FAAH2: variants seen among roughly 807,000 people sequenced by gnomAD.
FAAH2 encodes the protein fatty-acid amide hydrolase 2.
Under a neutral mutation model 36.9 loss-of-function variants are expected in FAAH2, and 60 were observed. That is an observed-to-expected ratio of 1.63 (90% CI 1.32 to 2.02). FAAH2 has a LOEUF of 2.02. FAAH2 is among the 30% of genes most tolerant of loss of function. The pLI is 0.00. For missense variants in FAAH2, 689 were observed against 397.5 expected (o/e 1.73, Z -6.23); for synonymous variants, 214 against 143.8 (o/e 1.49, Z -3.49).
At chrX:57,474,321 C>T (rs2057225034) in intron 10 of FAAH2, among the ~76,000 whole-genome samples, 1 of 111,049 alleles carries the variant, frequency 9.0e-6, no homozygotes, top group African/African-American at 3.3e-5. Context: ...TTAAGCCCTG[C>T]ATTTATTAGG....
the FAAH2 span, among the ~76,000 whole-genome samples, chrX:57,237,605 A>T: frequency 9.0e-6 from 1 of 111,484 alleles, no homozygotes; most frequent in Non-Finnish European, 1.9e-5. Flanking sequence ...AATTTAAAAA[A>T]TTAACTCCTT....
intron 5 of FAAH2, among the ~76,000 whole-genome samples, chrX:57,354,543 A>G (rs1381078512): frequency 9.1e-6 from 1 of 110,415 alleles, no homozygotes; most frequent in Non-Finnish European, 1.9e-5. Flanking sequence ...ACCTGTGCAT[A>G]TACCAAAACT....
chrX:57,395,460 G>T, intron 7 of FAAH2: 1 of 522,568 alleles, frequency 1.9e-6, no homozygotes, highest in Non-Finnish European at 3.3e-6. Flanking sequence ...ATCCTGTTCA[G>T]TTCTTAGGAG....
At chrX:57,382,149 C>T (rs1357983228) in intron 7 of FAAH2, among the ~76,000 whole-genome samples, 2 of 110,913 alleles carry the variant, frequency 1.8e-5, no homozygotes, top group African/African-American at 3.3e-5. Flanking sequence ...CACAACATAC[C>T]AGAATCTCTG....
chrX:57,255,779 A>G, the FAAH2 span, among the ~76,000 whole-genome samples: 1 of 111,912 alleles, frequency 8.9e-6, no homozygotes, highest in African/African-American at 3.3e-5. Context: ...CATATGTCAA[A>G]ATAATAAGAA....
intron 8 of FAAH2, among the ~76,000 whole-genome samples, chrX:57,433,005 A>G (rs1444086779): frequency 2.7e-5 from 3 of 110,871 alleles, no homozygotes; most frequent in African/African-American, 6.5e-5. Context: ...ATTTTTTCAA[A>G]TACCCAGTTT....
chrX:57,341,512 A>G, intron 5 of FAAH2, 122 bp downstream of exon 5: 1 of 835,206 alleles, frequency 1.2e-6, no homozygotes, highest in Non-Finnish European at 1.6e-6. Flanking sequence ...CAATGTTCTT[A>G]AATAAAACTA....
At chrX:57,417,655 G>A (rs1192781906) in intron 7 of FAAH2, among the ~76,000 whole-genome samples, 1 of 111,547 alleles carries the variant, frequency 9.0e-6, no homozygotes, top group Non-Finnish European at 1.9e-5. Context: ...TCCTGTATGA[G>A]GTGTCTGTCG....
At chrX:57,331,834 G>C in intron 4 of FAAH2, 27 bp downstream of exon 4, 2 of 1,112,977 alleles carry the variant, frequency 1.8e-6, no homozygotes, top group Non-Finnish European at 2.5e-6. Flanking sequence ...AGTATGGCAT[G>C]AATAGCTATG....
At chrX:57,206,937 A>G in the FAAH2 span, among the ~76,000 whole-genome samples, 1 of 111,873 alleles carries the variant, frequency 8.9e-6, no homozygotes, top group African/African-American at 3.3e-5. Context: ...TAAGTCCTCT[A>G]AAGCCTCCAG....
At chrX:57,259,191 A>G in the FAAH2 span, among the ~76,000 whole-genome samples, 1 of 111,999 alleles carries the variant, frequency 8.9e-6, no homozygotes, top group East Asian at 2.8e-4. Context: ...CAGCATGGAT[A>G]GAGGTCTCCC....
At chrX:57,217,843 T>C in the FAAH2 span, among the ~76,000 whole-genome samples, 2 of 112,211 alleles carry the variant, frequency 1.8e-5, no homozygotes, top group African/African-American at 3.2e-5. Flanking sequence ...TTGATGGAGA[T>C]TGCATTGAAT....
chrX:57,316,667 C>A (rs1046741658), intron 3 of FAAH2, among the ~76,000 whole-genome samples: 1 of 109,581 alleles, frequency 9.1e-6, no homozygotes, highest in South Asian at 3.8e-4. Context: ...AACTCACTAG[C>A]CATGTACAGA....
the FAAH2 span, among the ~76,000 whole-genome samples, chrX:57,267,387 G>A: frequency 1.8e-5 from 2 of 112,714 alleles, no homozygotes; most frequent in African/African-American, 3.2e-5. Flanking sequence ...ACAGAGAACA[G>A]GGAATTCTTT....
the FAAH2 span, among the ~76,000 whole-genome samples, chrX:57,248,753 C>CAAAAAA: frequency 6.9e-5 from 1 of 14,496 alleles, no homozygotes; most frequent in African/African-American, 2.3e-4. Context: ...AGCTCCGTCT[C>CAAAAAA]AAAAAAAAAA....
chrX:57,226,100 A>C, the FAAH2 span, among the ~76,000 whole-genome samples: 1 of 112,237 alleles, frequency 8.9e-6, no homozygotes, highest in Admixed American at 9.4e-5. Flanking sequence ...GTGGTTCTGC[A>C]TCTTTTAAGT....
chrX:57,162,536 A>G, the FAAH2 span, among the ~76,000 whole-genome samples: 2 of 111,391 alleles, frequency 1.8e-5, no homozygotes, highest in Non-Finnish European at 3.8e-5. Context: ...ATAGTCCCGT[A>G]TTTCTTGGAG....
chrX:57,224,460 G>T, the FAAH2 span, among the ~76,000 whole-genome samples: 1 of 110,971 alleles, frequency 9.0e-6, no homozygotes, highest in Non-Finnish European at 1.9e-5. Context: ...GATTCTCCCG[G>T]GGCCTGAAAG....
chrX:57,132,831 GGCTATAA>G, the FAAH2 span, among the ~76,000 whole-genome samples: 14 of 112,113 alleles, frequency 1.2e-4, no homozygotes, highest in Non-Finnish European at 2.3e-4. Context: ...AAACCTACAG[GGCTATAA>G]GCTGCCTCTC....
Sources: gnomAD v4.1 joint callset for allele counts (sites outside exome capture counted in the v4.1 genomes callset) on GRCh38, gnomAD v4.1.1 for gene constraint, MANE v1.5 for transcripts, NCBI Gene and HGNC (gene_info 2026-07-23, HGNC 2026-07-21) for gene names.